ACOT6: variants seen among roughly 807,000 people sequenced by gnomAD.
ACOT6 encodes the protein acyl-CoA thioesterase 6, also known as acyl-coenzyme A thioesterase 6.
A neutral mutation model predicts 12.3 loss-of-function variants in ACOT6; 14 were observed. The observed-to-expected ratio is 1.14, with a 90% CI of 0.75 to 1.78. The LOEUF is 1.78. Ranked by LOEUF, ACOT6 falls within the 40% of genes most tolerant of loss-of-function variation. ACOT6 has a pLI of 0.00. For missense variants in ACOT6, 523 were observed against 551.8 expected (o/e 0.95, Z 0.52); for synonymous variants, 218 against 231.3 (o/e 0.94, Z 0.52).
intron 2 of ACOT6, among the ~76,000 whole-genome samples, chr14:73,618,325 A>ATTTATAATTTTGAAATATTTAGGTAT (rs1890573970): frequency 5.3e-5 from 8 of 151,826 alleles, no homozygotes; most frequent in African/African-American, 1.9e-4. Flanking sequence ...GGCACCCCAG[A>ATTTATAATTTTGAAATATTTAGGTAT]ATTCTCTGCC....
rs1890461291 is a variant in ACOT6, at chr14:73,612,563, CA to C, written c.-8del. ...GGAGCTGGGTCGCCCCTGTTCTACC[CA>C]GATTGGGATGGCAGCGACGCTGATC... is the stretch of plus-strand genomic sequence containing the variant. On this transcript the variant is annotated 5_prime_UTR_variant, in exon 1 of 3. Coordinates refer to ENST00000645972, the MANE Select transcript of ACOT6 (RefSeq NM_001365788.1). 9 of 1,374,448 alleles carry C rather than the reference CA, an allele frequency of 6.5e-6. No homozygotes were observed. Among genetic ancestry groups the C allele is most frequent in the Non-Finnish European group, 8.5e-6 (9 of 1,052,980 alleles). The allele number at this position is 1,374,448 out of a possible 1,614,324, so 85.1% of individuals were successfully genotyped here.
upstream of ACOT6, chr14:73,611,521 G>C (rs1890444318): frequency 6.6e-6 from 1 of 152,158 alleles, no homozygotes; most frequent in South Asian, 2.1e-4. Context: ...CACAGGCTGA[G>C]AGTGCCACTT....
At chr14:73,613,448 T>C (rs1890483147) in intron 1 of ACOT6, among the ~76,000 whole-genome samples, 1 of 152,204 alleles carries the variant, frequency 6.6e-6, no homozygotes, top group Admixed American at 6.5e-5. Context: ...AAGAAGGATT[T>C]TTGCCTCCTT....
intron 2 of ACOT6, among the ~76,000 whole-genome samples, chr14:73,617,874 G>C (rs1890566555): frequency 2.0e-5 from 3 of 150,380 alleles, no homozygotes; most frequent in African/African-American, 7.4e-5. Flanking sequence ...GCCAGGTGCG[G>C]TGGCTCACGT....
At chr14:73,612,362 T>G (rs1358659246), upstream of ACOT6, 2 of 416,374 alleles carry the variant, frequency 4.8e-6, no homozygotes, top group Non-Finnish European at 8.3e-6. Context: ...TTAACTCTTA[T>G]TTCAGCAGAT....
chr14:73,612,859 C>A lies in ACOT6; in HGVS notation c.288C>A (p.Arg96=). Residue 96 remains arginine (R), a synonymous_variant, in exon 1 of 3, where the codon CGC becomes CGA. Transcript: ENST00000645972. The stretch of plus-strand genomic sequence containing the variant: ...AAGCCTTGGTGCGGCTGGTGAAGCG[C>A]GACGTGCGGACGCCCTTCGCCGTGG... The part of the protein sequence containing the change: ...PEKALVRLVK[R]DVRTPFAVEL... The A allele has an allele frequency of 7.1e-7, 1 of 1,409,432 alleles. No individual in the cohort carries two copies. 87.3% of individuals were successfully genotyped at this position (1,409,432 alleles called of 1,614,324 possible).
chr14:73,619,720 T>C lies in ACOT6; in HGVS notation c.1147T>C (p.Phe383Leu). 2 of 1,614,176 alleles carry C rather than the reference T, an allele frequency of 1.2e-6. No homozygotes were observed. Among genetic ancestry groups the C allele is most frequent in the East Asian group, 2.2e-5 (1 of 44,876 alleles). ...GCACGCTGTTTTGGGTGAGGCAATA[T>C]TCTATGGAGGTGAGCCAAAGGCTCA... ...SVHAVLGEAIFYGGEPKAHSK... is the reference protein window; with the variant it reads ...SVHAVLGEAILYGGEPKAHSK... Residue 383 changes from phenylalanine to leucine, a missense_variant, in exon 3 of 3, where the codon TTC becomes CTC. This residue lies in a region of ACOT6 where 219 missense variants were observed against 277.0 expected (regional missense o/e 0.79). Coordinates refer to ENST00000645972, the MANE Select transcript of ACOT6 (RefSeq NM_001365788.1).
In ACOT6 at chr14:73,619,456, A is replaced by T; in HGVS notation, c.883A>T (p.Thr295Ser). 1 of 1,614,228 alleles carries T rather than the reference A, an allele frequency of 6.2e-7. No individual in the cohort carries two copies. The highest frequency in any genetic ancestry group is 1.1e-5 in the South Asian group (1 of 91,088). ...GTCAGGATTTCTCACTTTTATGGAC[A>T]CTTGGAGCAATCCACTGGAGGAACA... ...TKSGFLTFMD[T>S]WSNPLEEHNH... Residue 295 changes from threonine (T) to serine (S), a missense_variant, in exon 3 of 3, where the codon ACT becomes TCT. By Grantham distance (58) the Thr-to-Ser change is moderately conservative (BLOSUM62 1). Transcript: ENST00000645972.
In ACOT6 at chr14:73,619,860, T is replaced by A. The variant is rs753260001; in HGVS notation, c.*21T>A. ...TATAACATTGTAGCCACAGACCAGATACCATTAATAAAAATCCTATTCATA... is the reference window on the plus strand; with the variant it reads ...TATAACATTGTAGCCACAGACCAGAAACCATTAATAAAAATCCTATTCATA... On this transcript the variant is annotated 3_prime_UTR_variant, in exon 3 of 3. Coordinates refer to ENST00000645972, the MANE Select transcript of ACOT6 (RefSeq NM_001365788.1). The A allele has an allele frequency of 1.9e-5, 30 of 1,540,980 alleles. No individual in the cohort carries two copies. The highest frequency in any genetic ancestry group is 2.6e-5 in the Non-Finnish European group (30 of 1,153,210).
rs369212845 is a variant in ACOT6, at chr14:73,612,827, C to A, written c.256C>A (p.Pro86Thr). ...QPMGLLWALE[P>T]EKALVRLVKR... ...CATGGGGCTGCTGTGGGCGTTGGAG[C>A]CCGAGAAAGCCTTGGTGCGGCTGGT... The change falls in exon 1 of 3, where the codon CCC (proline) becomes ACC (threonine). Residue 86 changes from proline to threonine, a missense_variant. Pro to Thr is a conservative substitution (Grantham distance 38). This residue lies in a region of ACOT6 where 304 missense variants were observed against 274.8 expected (regional missense o/e 1.11). Coordinates refer to ENST00000645972, the MANE Select transcript of ACOT6 (RefSeq NM_001365788.1). The A allele has an allele frequency of 3.7e-4, 531 of 1,422,118 alleles. 2 individuals are homozygous for A. The East Asian group carries it at 9.7e-3, about 26-fold the overall frequency. The allele number at this position is 1,422,118 out of a possible 1,614,324, so 88.1% of individuals were successfully genotyped here. A position where few individuals can be genotyped will look rare whatever the true frequency, so the allele number is the denominator to read the frequency against.
chr14:73,613,686 C>G (rs1238642518), intron 1 of ACOT6, among the ~76,000 whole-genome samples: 1 of 152,138 alleles, frequency 6.6e-6, no homozygotes, highest in South Asian at 2.1e-4. Flanking sequence ...TGGCATCTAG[C>G]AGGCAGAGGC....
chr14:73,613,853 A>AT (rs1223118107), intron 1 of ACOT6, among the ~76,000 whole-genome samples: 1 of 152,094 alleles, frequency 6.6e-6, no homozygotes, highest in Non-Finnish European at 1.5e-5. Context: ...AAGACTCCTG[A>AT]TTAATCCCTT....
In ACOT6 at chr14:73,619,683, T is replaced by C; in HGVS notation, c.1110T>C (p.Ser370=). 6.2e-7 allele frequency: 1 copy of C among 1,614,202 alleles called. No homozygotes were observed. Among genetic ancestry groups the C allele is most frequent in the Non-Finnish European group, 8.5e-7 (1 of 1,180,016 alleles). The part of the protein sequence containing the change: ...HCIDPPYFPP[S]RASVHAVLGE... Reference sequence around the variant, plus strand: ...TTGACCCACCTTATTTTCCTCCTTCTAGAGCTTCTGTGCACGCTGTTTTGG... The same window carrying C: ...TTGACCCACCTTATTTTCCTCCTTCCAGAGCTTCTGTGCACGCTGTTTTGG... Residue 370 remains serine (S), a synonymous_variant, in exon 3 of 3, where the codon TCT becomes TCC. Transcript: ENST00000645972.
At chr14:73,615,388 TAAAAAAA>T (rs1160138803) in intron 1 of ACOT6, among the ~76,000 whole-genome samples, 7 of 63,330 alleles carry the variant, frequency 1.1e-4, no homozygotes, top group Non-Finnish European at 1.6e-4. Context: ...CTCTGTCTGA[TAAAAAAA>T]AAAAAAAAAA....
At chr14:73,618,264 A>C (rs1213216032) in intron 2 of ACOT6, among the ~76,000 whole-genome samples, 1 of 152,194 alleles carries the variant, frequency 6.6e-6, no homozygotes, top group Non-Finnish European at 1.5e-5. Context: ...TTAAGATATA[A>C]GATGTTCTGC....
intron 2 of ACOT6, among the ~76,000 whole-genome samples, chr14:73,617,639 C>T (rs1342865736): frequency 1.3e-5 from 2 of 152,124 alleles, no homozygotes; most frequent in Non-Finnish European, 2.9e-5. Flanking sequence ...CAGTTACTCT[C>T]TCTGGAGTTC....
At chr14:73,614,999 G>A (rs1029834606) in intron 1 of ACOT6, among the ~76,000 whole-genome samples, 3 of 150,130 alleles carry the variant, frequency 2.0e-5, no homozygotes, top group Non-Finnish European at 4.4e-5. Context: ...TGAGGCAGGA[G>A]AATCTCTTGA....
At chr14:73,617,233 A>G in intron 2 of ACOT6, 41 bp downstream of exon 2, 1 of 1,613,866 alleles carries the variant, frequency 6.2e-7, no homozygotes, top group Non-Finnish European at 8.5e-7. Context: ...GAGAGGGGAT[A>G]GAGCTGATGC....
At chr14:73,615,776 G>C (rs1009832716) in intron 1 of ACOT6, among the ~76,000 whole-genome samples, 1 of 151,822 alleles carries the variant, frequency 6.6e-6, no homozygotes, top group African/African-American at 2.4e-5. Context: ...AACAGGCTGA[G>C]TGCAGTGGCT....
Sources: allele counts gnomAD v4.1 joint callset (sites outside exome capture counted in the v4.1 genomes callset), GRCh38; gene constraint gnomAD v4.1.1; regional missense constraint gnomAD v4.1.1; transcripts MANE v1.5; gene names NCBI Gene and HGNC (gene_info 2026-07-23, HGNC 2026-07-21).